The following ZBTB38 variants were observed in gnomAD, a reference collection of about 807,000 sequenced individuals.
The protein encoded by ZBTB38 is zinc finger and BTB domain-containing protein 38.
ZBTB38 carries 20 observed loss-of-function variants against 76.8 expected under a neutral mutation model. The observed-to-expected ratio is 0.26, with a 90% CI of 0.18 to 0.38. ZBTB38 has a LOEUF of 0.38. Ranked by LOEUF, ZBTB38 falls within the 10% of genes least tolerant of loss-of-function variation. The pLI is 1.00. For missense variants in ZBTB38, 1,082 were observed against 1,482.3 expected (o/e 0.73, Z 4.43); for synonymous variants, 504 against 544.2 (o/e 0.93, Z 1.03).
intron 5 of ZBTB38, among the ~76,000 whole-genome samples, chr3:141,404,383 A>G (rs1953579402): frequency 6.6e-6 from 1 of 152,088 alleles, no homozygotes; most frequent in Admixed American, 6.5e-5. Flanking sequence ...AGGGTTACCC[A>G]GTGGGTTGGG....
At chr3:141,352,780 T>G (rs1943556305) in intron 1 of ZBTB38, among the ~76,000 whole-genome samples, 1 of 152,000 alleles carries the variant, frequency 6.6e-6, no homozygotes, top group East Asian at 1.9e-4. Flanking sequence ...CCCGCTGAGC[T>G]GGGCCACTAC....
chr3:141,426,151 T>A, intron 5 of ZBTB38: 2 of 1,289,382 alleles, frequency 1.6e-6, no homozygotes. Context: ...GGCTCCAGCA[T>A]AAGCAGGAGA....
Position 141,448,236 on chromosome 3 carries a change from C to G in ZBTB38, c.*2260C>G, listed in dbSNP as rs781050075. The G allele has an allele frequency of 6.6e-6, 1 of 152,402 alleles. No homozygotes were observed. The highest frequency in any genetic ancestry group is 1.5e-5 in the Non-Finnish European group (1 of 67,974). 9.4% of individuals were successfully genotyped at this position (152,402 alleles called of 1,614,324 possible). On this transcript the variant is annotated 3_prime_UTR_variant, in exon 6 of 6. Transcript: ENST00000321464. ...TAAGTGGACTTGTATGCTGATAATT[C>G]TAGACCAAAGTAAATATGGCAGAAT...
chr3:141,436,384 C>T (rs1285807893), intron 5 of ZBTB38, among the ~76,000 whole-genome samples: 1 of 152,212 alleles, frequency 6.6e-6, no homozygotes, highest in African/African-American at 2.4e-5. Context: ...GTGATAAATC[C>T]TTGGGCAGGC....
At chr3:141,331,786 G>A (rs530669722) in intron 1 of ZBTB38, among the ~76,000 whole-genome samples, 30 of 152,308 alleles carry the variant, frequency 2.0e-4, no homozygotes, top group Admixed American at 7.8e-4. Flanking sequence ...AGCGCTGACC[G>A]AGCCAGGAAG....
intron 5 of ZBTB38, among the ~76,000 whole-genome samples, chr3:141,437,079 G>A (rs935732084): frequency 3.9e-5 from 6 of 152,196 alleles, no homozygotes; most frequent in East Asian, 3.9e-4. Flanking sequence ...TTTTGGGAGC[G>A]GGCACTGTTA....
intron 1 of ZBTB38, among the ~76,000 whole-genome samples, chr3:141,342,909 T>G (rs1170819042): frequency 2.0e-5 from 3 of 150,278 alleles, no homozygotes; most frequent in African/African-American, 7.4e-5. Flanking sequence ...AAGCTAGGGG[T>G]GGAAGGGGAT....
At chr3:141,368,432 T>G (rs1051402409), upstream of ZBTB38, 3 of 151,848 alleles carry the variant, frequency 2.0e-5, no homozygotes, top group African/African-American at 4.8e-5. Context: ...CCCGGGCTGC[T>G]GGCGATGACT....
chr3:141,441,263 T>C (rs2080150992), intron 5 of ZBTB38, among the ~76,000 whole-genome samples: 2 of 152,046 alleles, frequency 1.3e-5, no homozygotes, highest in Admixed American at 1.3e-4. Flanking sequence ...AGGACTTATA[T>C]AGAGAATATA....
intron 1 of ZBTB38, among the ~76,000 whole-genome samples, chr3:141,351,579 T>A (rs1435187781): frequency 4.0e-5 from 6 of 151,350 alleles, no homozygotes; most frequent in Non-Finnish European, 7.4e-5. Context: ...CAAAAAAAAA[T>A]TTTTAAAGCC....
intron 1 of ZBTB38, among the ~76,000 whole-genome samples, chr3:141,339,653 C>T (rs150250061): frequency 3.9e-5 from 6 of 152,220 alleles, no homozygotes; most frequent in African/African-American, 1.4e-4. Flanking sequence ...ACCTTTTTAC[C>T]TGGGCGTCTC....
chr3:141,342,167 A>C (rs893435564), intron 1 of ZBTB38, among the ~76,000 whole-genome samples: 2 of 152,226 alleles, frequency 1.3e-5, no homozygotes, highest in East Asian at 1.9e-4. Context: ...TCTACTAAAA[A>C]TACAAAAATT....
intron 1 of ZBTB38, among the ~76,000 whole-genome samples, chr3:141,343,981 G>A (rs1236333622): frequency 6.6e-6 from 1 of 152,144 alleles, no homozygotes; most frequent in Non-Finnish European, 1.5e-5. Flanking sequence ...AATTTTGAGG[G>A]ACTTGCATCT....
At chr3:141,385,649 A>AGTGTGTGTGT (rs10617390) in intron 3 of ZBTB38, among the ~76,000 whole-genome samples, 20 of 147,150 alleles carry the variant, frequency 1.4e-4, no homozygotes, top group African/African-American at 3.7e-4. Context: ...TCGAGCTTTG[A>AGTGTGTGTGT]GTGTGTGTGT....
At chr3:141,364,385 T>TA (rs1162050877), upstream of ZBTB38, among the ~76,000 whole-genome samples, 7 of 134,156 alleles carry the variant, frequency 5.2e-5, no homozygotes, top group Admixed American at 8.0e-5. Context: ...CTGAAAACTT[T>TA]AAAAAAAAAA....
At chr3:141,435,973 C>T (rs1431008943) in intron 5 of ZBTB38, among the ~76,000 whole-genome samples, 1 of 152,150 alleles carries the variant, frequency 6.6e-6, no homozygotes, top group African/African-American at 2.4e-5. Context: ...GAATTTATTG[C>T]ACAAAACTTG....
At chr3:141,415,191 G>A (rs940027216) in intron 5 of ZBTB38, among the ~76,000 whole-genome samples, 2 of 151,962 alleles carry the variant, frequency 1.3e-5, no homozygotes, top group Admixed American at 1.3e-4. Context: ...AGATGAAGAC[G>A]GACCAGACAT....
intron 2 of ZBTB38, among the ~76,000 whole-genome samples, chr3:141,370,554 T>C (rs968597739): frequency 1.3e-5 from 2 of 152,328 alleles, no homozygotes; most frequent in South Asian, 2.1e-4. Flanking sequence ...TAAAGTTGCA[T>C]AGAAACAGTG....
intron 1 of ZBTB38, among the ~76,000 whole-genome samples, chr3:141,361,812 T>C (rs1308533302): frequency 2.0e-5 from 3 of 152,190 alleles, no homozygotes; most frequent in Non-Finnish European, 4.4e-5. Context: ...ACTTAAGGTC[T>C]CCATCCCTAT....
Sources: allele counts gnomAD v4.1 joint callset (sites outside exome capture counted in the v4.1 genomes callset), GRCh38; gene constraint gnomAD v4.1.1; transcripts MANE v1.5; gene names NCBI Gene and HGNC (gene_info 2026-07-23, HGNC 2026-07-21).